SRPRB: variants seen among roughly 807,000 people sequenced by gnomAD.
The protein encoded by SRPRB is signal recognition particle receptor subunit beta.
A neutral mutation model predicts 31.9 loss-of-function variants in SRPRB; 20 were observed. The ratio of observed to expected loss-of-function variants is 0.63; its 90% CI spans 0.44 to 0.91. SRPRB has a LOEUF of 0.91. SRPRB is among the 40% of genes least tolerant of loss of function. SRPRB has a pLI of 0.00. For missense variants in SRPRB, 321 were observed against 324.9 expected (o/e 0.99, Z 0.09); for synonymous variants, 146 against 132.8 (o/e 1.10, Z -0.68).
intron 6 of SRPRB, 73 bp downstream of exon 6, chr3:133,817,005 CTTTTG>C: frequency 8.1e-7 from 1 of 1,239,754 alleles, no homozygotes; most frequent in East Asian, 2.5e-5. Flanking sequence ...ATTCATGTTT[CTTTTG>C]TTTGGTTTTA....
chr3:133,827,877 C>T (rs1935594986), downstream of SRPRB: 2 of 700,474 alleles, frequency 2.9e-6, no homozygotes, highest in African/African-American at 1.8e-5. Flanking sequence ...AGACTTGGCC[C>T]AGGCATGTGT....
downstream of SRPRB, chr3:133,824,126 G>A (rs1576388155): frequency 6.6e-6 from 1 of 152,226 alleles, no homozygotes; most frequent in Admixed American, 6.5e-5. Flanking sequence ...TTTAGGTAGT[G>A]GACATACCAC....
chr3:133,806,041 G>A (rs2107967713), intron 1 of SRPRB, 39 bp downstream of exon 1: 3 of 1,600,560 alleles, frequency 1.9e-6, no homozygotes, highest in Non-Finnish European at 2.6e-6. Flanking sequence ...TTTGGGGCGG[G>A]CAGAGGTCCG....
Position 133,820,001 on chromosome 3 carries a change from T to G in SRPRB, c.*235T>G, listed in dbSNP as rs1671446744. Reference sequence around the variant, plus strand: ...TACCTTTTATCTGATGCCTGTATCTTCCCTTTGTTAAGGTGTAACTTGATG... The same window carrying G: ...TACCTTTTATCTGATGCCTGTATCTGCCCTTTGTTAAGGTGTAACTTGATG... On this transcript the variant is annotated 3_prime_UTR_variant, in exon 7 of 7. Coordinates refer to ENST00000678299, the MANE Select transcript of SRPRB (RefSeq NM_001379313.1). 2.0e-6 allele frequency: 1 copy of G among 494,330 alleles called. No homozygotes were observed. Among genetic ancestry groups the G allele is most frequent in the Admixed American group, 3.3e-5 (1 of 30,094 alleles). 30.6% of individuals were successfully genotyped at this position (494,330 alleles called of 1,614,324 possible). A position where few individuals can be genotyped will look rare whatever the true frequency, so the allele number is the denominator to read the frequency against.
At chr3:133,809,263 G>C (rs1435151876) in intron 3 of SRPRB, among the ~76,000 whole-genome samples, 2 of 152,148 alleles carry the variant, frequency 1.3e-5, no homozygotes, top group South Asian at 2.1e-4. Flanking sequence ...AAATTGCTGG[G>C]ATTACAGGCG....
chr3:133,809,264 A>G (rs1935216884), intron 3 of SRPRB, among the ~76,000 whole-genome samples: 1 of 152,156 alleles, frequency 6.6e-6, no homozygotes, highest in South Asian at 2.1e-4. Flanking sequence ...AATTGCTGGG[A>G]TTACAGGCGT....
rs373385511 is a variant in SRPRB at position 133,811,588 on chromosome 3, G to T, written c.410+389G>T. ...TCATTTATATATATAGTGTTTTTTT[G>T]TTTTTTTTTTTTGAGATGGAGTCTC... On this transcript the variant is annotated intron_variant, in intron 4 of 6. Coordinates refer to ENST00000678299, the MANE Select transcript of SRPRB (RefSeq NM_001379313.1). Among the ~76,000 whole-genome samples the T allele has an allele frequency of 8.6e-4, 123 of 143,646 alleles. 2 individuals are homozygous for T. The South Asian group carries it at 0.019, about 22-fold the overall frequency. 94.2% of individuals were successfully genotyped at this position (143,646 alleles called of 152,430 possible).
chr3:133,804,220 C>T (rs531335020), upstream of SRPRB, among the ~76,000 whole-genome samples: 7 of 151,842 alleles, frequency 4.6e-5, no homozygotes, highest in Non-Finnish European at 8.8e-5. Flanking sequence ...CCTCCCAAAG[C>T]GCTGGGATTA....
At chr3:133,793,063 TAATGCAAGG>T (rs1451636536) in intron 1 of SRPRB, 1 of 152,162 alleles carries the variant, frequency 6.6e-6, no homozygotes, top group Non-Finnish European at 1.5e-5. Context: ...AATAGCACAC[TAATGCAAGG>T]GTGAAATTTG....
chr3:133,804,380 G>A (rs530363483), upstream of SRPRB, among the ~76,000 whole-genome samples: 1 of 152,226 alleles, frequency 6.6e-6, no homozygotes, highest in South Asian at 2.1e-4. Context: ...TTCTGGAATA[G>A]GCATTGCAAT....
chr3:133,819,863 T>C lies in SRPRB; in HGVS notation c.*97T>C, dbSNP rs141040173. ...GTTGATGAGGAAGGGGTACAAGATG[T>C]GGTTAGAAACATTTCTTTGTTCTGG... On this transcript the variant is annotated 3_prime_UTR_variant, in exon 7 of 7. Coordinates refer to ENST00000678299, the MANE Select transcript of SRPRB (RefSeq NM_001379313.1). 5.1e-4 allele frequency: 554 copies of C among 1,086,520 alleles called. 2 individuals are homozygous for C. In the African/African-American group the frequency reaches 7.9e-3, roughly 16 times the overall value. 67.3% of individuals were successfully genotyped at this position (1,086,520 alleles called of 1,614,324 possible). A position where few individuals can be genotyped will look rare whatever the true frequency, so the allele number is the denominator to read the frequency against.
At chr3:133,794,126 A>C (rs1412884827) in intron 1 of SRPRB, 1 of 152,208 alleles carries the variant, frequency 6.6e-6, no homozygotes, top group Non-Finnish European at 1.5e-5. Flanking sequence ...ATATGAGTCT[A>C]ATGTTAATTA....
At chr3:133,817,896 C>A (rs1020234230) in intron 6 of SRPRB, among the ~76,000 whole-genome samples, 3 of 152,158 alleles carry the variant, frequency 2.0e-5, no homozygotes, top group African/African-American at 7.2e-5. Context: ...TTGGCAAACT[C>A]CTGCCTGGGC....
rs113943912 is a variant in SRPRB at position 133,820,331 on chromosome 3, T to G, written c.*565T>G. 0.012 allele frequency: 1,843 copies of G among 156,462 alleles called. 37 individuals carry two copies. The highest frequency in any genetic ancestry group is 0.042 in the African/African-American group (1,727 of 41,564). The allele number at this position is 156,462 out of a possible 1,614,324, so 9.7% of individuals were successfully genotyped here. On this transcript the variant is annotated 3_prime_UTR_variant, in exon 7 of 7. Coordinates refer to ENST00000678299, the MANE Select transcript of SRPRB (RefSeq NM_001379313.1). ...AGCAGACAGTGGGTCTATTCTTCAT[T>G]AGCTCAGTGACTTGTCCACACTCGT...
intron 1 of SRPRB, chr3:133,786,849 C>T (rs775196248): frequency 3.3e-5 from 5 of 152,190 alleles, no homozygotes; most frequent in Non-Finnish European, 7.3e-5. Context: ...AACATCTTAT[C>T]TATGTAGATG....
At chr3:133,823,708 A>C (rs1448170216), downstream of SRPRB, among the ~76,000 whole-genome samples, 1 of 152,160 alleles carries the variant, frequency 6.6e-6, no homozygotes, top group Non-Finnish European at 1.5e-5. Flanking sequence ...GTCTGGAGAT[A>C]ACTGAGACCT....
At chr3:133,793,714 G>A (rs1934901643) in intron 1 of SRPRB, 8 of 152,100 alleles carry the variant, frequency 5.3e-5, no homozygotes, top group Admixed American at 5.2e-4. Flanking sequence ...ACAGTTAATT[G>A]CTTAATGCTG....
At chr3:133,815,492 C>G in intron 4 of SRPRB, 98 bp from the exon 5 acceptor site, 1 of 1,445,458 alleles carries the variant, frequency 6.9e-7, no homozygotes, top group Non-Finnish European at 9.6e-7. Flanking sequence ...GAGTGTTAAT[C>G]ACCAAGATTG....
intron 1 of SRPRB, among the ~76,000 whole-genome samples, chr3:133,798,523 C>T (rs1416731280): frequency 6.6e-6 from 1 of 152,144 alleles, no homozygotes; most frequent in Non-Finnish European, 1.5e-5. Context: ...TCTGCCAATG[C>T]TTTTATCTCA....
Sources: allele counts gnomAD v4.1 joint callset (sites outside exome capture counted in the v4.1 genomes callset), GRCh38; gene constraint gnomAD v4.1.1; transcripts MANE v1.5; gene names NCBI Gene and HGNC (gene_info 2026-07-23, HGNC 2026-07-21).